The following TCN1 variants were observed in gnomAD, a reference collection of about 807,000 sequenced individuals.
TCN1 encodes the protein transcobalamin-1.
TCN1 carries 47 observed loss-of-function variants against 46.3 expected under a neutral mutation model. That is an observed-to-expected ratio of 1.01 (90% confidence interval 0.80 to 1.29). The LOEUF (loss-of-function observed/expected upper bound fraction) is 1.29, where lower values mean the gene tolerates loss of function less well. TCN1 is among the 50% of genes most tolerant of loss of function. The pLI is 0.00. For missense variants in TCN1, 532 were observed against 511.0 expected (o/e 1.04, Z -0.40); for synonymous variants, 183 against 192.5 (o/e 0.95, Z 0.41).
chr11:59,853,859 T>A (rs935893009), intron 7 of TCN1, among the ~76,000 whole-genome samples: 5 of 152,228 alleles, frequency 3.3e-5, no homozygotes, highest in Non-Finnish European at 5.9e-5. Context: ...AGGGTAGCCT[T>A]TATAATGTAT....
chr11:59,859,257 T>G lies in TCN1; in HGVS notation c.567A>C (p.Ala189=). ...CACAGGTCAGAGCCAGGACAGCCAT[T>G]GCACCAGTATCTGTCAGGAAACAAA... ...FGSQFSVDTG[A]MAVLALTCVK... Residue 189 remains alanine (A), a synonymous_variant, in exon 5 of 9, where the codon GCA becomes GCC. Transcript: ENST00000257264. 1 of 1,613,682 alleles carries G rather than the reference T, an allele frequency of 6.2e-7. No individual in the cohort carries two copies. The highest frequency in any genetic ancestry group is 1.1e-5 in the South Asian group (1 of 91,088).
At position 59,859,111 on chromosome 11, in the gene TCN1, A is replaced by G. The variant is rs756562314; in HGVS notation, c.713T>C (p.Ile238Thr). The G allele has an allele frequency of 1.9e-6, 3 of 1,613,914 alleles. No individual in the cohort carries two copies. Among genetic ancestry groups the G allele is most frequent in the South Asian group, 2.2e-5 (2 of 91,064 alleles). Residue 238 changes from isoleucine to threonine, a missense_variant, in exon 5 of 9, where the codon ATT (isoleucine) becomes ACT (threonine). By Grantham distance (89) the Ile-to-Thr change is moderately conservative (BLOSUM62 -1). Transcript: ENST00000257264. ...ILSEKKENGL[I>T]GNTFSTGEAM... ...TTCTCCTGTGCTAAATGTGTTTCCA[A>G]TGAGACCATTTTCTTTTTTCTCAGA...
rs1456965683 is a variant in TCN1 at position 59,861,625 on chromosome 11, G to A, written c.458C>T (p.Ala153Val). ...GTAGTTCCCATTGAACAGACACAAGGCCAAAACGTCCAGGCTGAGCTGGTA... is the reference window on the plus strand; with the variant it reads ...GTAGTTCCCATTGAACAGACACAAGACCAAAACGTCCAGGCTGAGCTGGTA... ...NYYQLSLDVL[A>V]LCLFNGNYST... Residue 153 changes from alanine to valine, a missense_variant, in exon 4 of 9, where the codon GCC becomes GTC. Ala to Val is a moderately conservative substitution (Grantham distance 64). Coordinates refer to ENST00000257264, the MANE Select transcript of TCN1 (RefSeq NM_001062.4). The A allele has an allele frequency of 3.7e-6, 6 of 1,614,126 alleles. No homozygotes were observed. In the South Asian group the frequency reaches 6.6e-5, roughly 18 times the overall value.
In TCN1 at chr11:59,859,128, T is replaced by G. The variant is rs779446357; in HGVS notation, c.696A>C (p.Lys232Asn). ...TGTTTCCAATGAGACCATTTTCTTT[T>G]TTCTCAGACAGAATCTTTTCTACCA... ...KSLVEKILSEKKENGLIGNTF... is the reference protein window; with the variant it reads ...KSLVEKILSENKENGLIGNTF... Residue 232 changes from lysine (K) to asparagine (N), a missense_variant, in exon 5 of 9, where the codon AAA becomes AAC. Transcript: ENST00000257264. 6.2e-7 allele frequency: 1 copy of G among 1,614,140 alleles called. No individual in the cohort carries two copies. The highest frequency in any genetic ancestry group is 1.1e-5 in the South Asian group (1 of 91,090).
intron 1 of TCN1, 45 bp from the exon 2 acceptor site, chr11:59,864,131 T>C (rs946460506): frequency 6.3e-7 from 1 of 1,595,918 alleles, no homozygotes; most frequent in Non-Finnish European, 8.6e-7. Flanking sequence ...ACTCAGAAAA[T>C]AGTAAGACTT....
rs1464094443 is a variant in TCN1, at chr11:59,866,325, G to A, written c.79+67C>T. ...ATCTTTTCTCAGGTAACTCTACATA[G>A]AGTCTCTTGTCAACAGTTTTCAGTA... On this transcript the variant is annotated intron_variant, in intron 1 of 8. Transcript: ENST00000257264. 3 of 1,485,030 alleles carry A rather than the reference G, an allele frequency of 2.0e-6. No individual in the cohort carries two copies. The East Asian group carries it at 6.8e-5, about 34-fold the overall frequency. The allele number at this position is 1,485,030 out of a possible 1,614,324, so 92.0% of individuals were successfully genotyped here.
chr11:59,863,249 T>C (rs1853036416), intron 2 of TCN1, among the ~76,000 whole-genome samples: 2 of 152,144 alleles, frequency 1.3e-5, no homozygotes, highest in Non-Finnish European at 2.9e-5. Flanking sequence ...CTTTGTCTTT[T>C]CCATAAAAAT....
Position 59,852,963 on chromosome 11 carries a change from A to T in TCN1, c.*12T>A. The T allele has an allele frequency of 6.2e-7, 1 of 1,613,800 alleles. No individual in the cohort carries two copies. On this transcript the variant is annotated 3_prime_UTR_variant, in exon 9 of 9. Transcript: ENST00000257264. The stretch of plus-strand genomic sequence containing the variant: ...AAATGGATTTTATGCAGCTGAGGAA[A>T]GTTTGGGCTTATTAGTATTTGCTCC...
In TCN1 at chr11:59,854,546, C is replaced by T. The variant is rs1052678996; in HGVS notation, c.1121+106G>A. 2.4e-6 allele frequency: 3 copies of T among 1,238,394 alleles called. No homozygotes were observed. In the African/African-American group the frequency reaches 4.4e-5, roughly 18 times the overall value. 76.7% of individuals were successfully genotyped at this position (1,238,394 alleles called of 1,614,324 possible). ...TGTAGATGGACAGCAAAGCTACTGA[C>T]CCAGAAGCATTTTAAATATACTTTG... On this transcript the variant is annotated intron_variant, in intron 7 of 8. Transcript: ENST00000257264.
rs778765850 is a variant in TCN1 at position 59,861,632 on chromosome 11, C to T, written c.451G>A (p.Val151Ile). The T allele has an allele frequency of 5.6e-6, 9 of 1,614,160 alleles. No homozygotes were observed. The highest frequency in any genetic ancestry group is 2.2e-5 in the East Asian group (1 of 44,878). ...CCATTGAACAGACACAAGGCCAAAA[C>T]GTCCAGGCTGAGCTGGTAGTAGTTA... is the stretch of plus-strand genomic sequence containing the variant. ...LTNYYQLSLDVLALCLFNGNY... is the reference protein window; with the variant it reads ...LTNYYQLSLDILALCLFNGNY... Residue 151 changes from valine (V) to isoleucine (I), a missense_variant, in exon 4 of 9, where the codon GTT (valine) becomes ATT (isoleucine). By Grantham distance (29) the Val-to-Ile change is conservative. Transcript: ENST00000257264.
At chr11:59,862,765 G>A (rs1156926055) in intron 2 of TCN1, 43 bp from the exon 3 acceptor site, 1 of 1,609,544 alleles carries the variant, frequency 6.2e-7, no homozygotes, top group East Asian at 2.2e-5. Flanking sequence ...ACAGGCTTGT[G>A]ATTTTTTGGG....
chr11:59,859,337 T>A, intron 4 of TCN1, 70 bp from the exon 5 acceptor site: 1 of 1,552,694 alleles, frequency 6.4e-7, no homozygotes. Flanking sequence ...AGAGGTTTCC[T>A]GGGATGTGAG....
chr11:59,858,917 C>T (rs1012463066), intron 5 of TCN1, among the ~76,000 whole-genome samples, 160 bp downstream of exon 5: 4 of 152,034 alleles, frequency 2.6e-5, no homozygotes, highest in Non-Finnish European at 5.9e-5. Flanking sequence ...GCAGGAGAAT[C>T]GCTTGAACTC....
At position 59,856,078 on chromosome 11, in the gene TCN1, T is replaced by TG. The variant is rs761593420; in HGVS notation, c.748-21dup. The TG allele has an allele frequency of 2.4e-3, 772 of 327,726 alleles. No homozygotes were observed. Among genetic ancestry groups the TG allele is most frequent in the Admixed American group, 4.7e-3 (121 of 25,894 alleles). The allele number at this position is 327,726 out of a possible 1,614,324, so 20.3% of individuals were successfully genotyped here. ...GAGGGCCTAATGAGGCAGGGTGGGG[T>TG]GGGGGGGTGATGAGAGATAAAGAGA... On this transcript the variant is annotated intron_variant, in intron 5 of 8. Coordinates refer to ENST00000257264, the MANE Select transcript of TCN1 (RefSeq NM_001062.4).
At position 59,856,076 on chromosome 11, in the gene TCN1, G is replaced by C. The variant is rs909692022; in HGVS notation, c.748-18C>G. ...AAGAGGGCCTAATGAGGCAGGGTGGGGTGGGGGGGTGATGAGAGATAAAGA... is the reference window on the plus strand; with the variant it reads ...AAGAGGGCCTAATGAGGCAGGGTGGCGTGGGGGGGTGATGAGAGATAAAGA... On this transcript the variant is annotated intron_variant, in intron 5 of 8. Transcript: ENST00000257264. 6 of 1,477,732 alleles carry C rather than the reference G, an allele frequency of 4.1e-6. No individual in the cohort carries two copies. The highest frequency in any genetic ancestry group is 1.4e-5 in the African/African-American group (1 of 71,792). The allele number at this position is 1,477,732 out of a possible 1,614,324, so 91.5% of individuals were successfully genotyped here.
At chr11:59,859,933 C>G (rs967533871) in intron 4 of TCN1, among the ~76,000 whole-genome samples, 1 of 152,098 alleles carries the variant, frequency 6.6e-6, no homozygotes, top group Non-Finnish European at 1.5e-5. Context: ...GCCATGGAGC[C>G]CAGCTGAGGA....
intron 8 of TCN1, 47 bp from the exon 9 acceptor site, chr11:59,853,083 A>G (rs1311218650): frequency 2.5e-6 from 4 of 1,604,208 alleles, no homozygotes; most frequent in African/African-American, 1.3e-5. Context: ...TTTGGCCACT[A>G]AATCACCAAA....
intron 1 of TCN1, among the ~76,000 whole-genome samples, chr11:59,864,610 C>G (rs1032990640): frequency 6.6e-6 from 1 of 151,998 alleles, no homozygotes; most frequent in African/African-American, 2.4e-5. Flanking sequence ...GTCTGATTAC[C>G]CAGCTGGCTG....
chr11:59,853,326 G>A lies in TCN1; in HGVS notation c.1122-5C>T. On this transcript the variant is annotated splice_polypyrimidine_tract_variant and splice_region_variant and intron_variant, in intron 7 of 8. Transcript: ENST00000257264. ...GAGCGCTCCTCCATTGTGAAACTGT[G>A]GGTGACAGCAAGTAGGTTACTGGAA... 1 of 1,612,854 alleles carries A rather than the reference G, an allele frequency of 6.2e-7. No homozygotes were observed. The highest frequency in any genetic ancestry group is 8.5e-7 in the Non-Finnish European group (1 of 1,178,896).
Sources: gnomAD v4.1 joint callset for allele counts (sites outside exome capture counted in the v4.1 genomes callset) on GRCh38, gnomAD v4.1.1 for gene constraint, MANE v1.5 for transcripts, NCBI Gene and HGNC (gene_info 2026-07-23, HGNC 2026-07-21) for gene names.